The following CNNM1 variants were observed in gnomAD, a reference collection of about 807,000 sequenced individuals.
CNNM1 encodes the protein metal transporter CNNM1.
Under a neutral mutation model 78.8 loss-of-function variants are expected in CNNM1, and 44 were observed. That is an observed-to-expected ratio of 0.56 (90% confidence interval 0.44 to 0.72). The LOEUF (loss-of-function observed/expected upper bound fraction) is 0.72. Ranked by LOEUF, CNNM1 falls within the 30% of genes least tolerant of loss-of-function variation. CNNM1 has a pLI of 0.00. For synonymous variants in CNNM1, 584 were observed against 581.5 expected, an observed-to-expected ratio of 1.00 and a Z score of -0.06; for missense variants, 1,101 against 1,292.2, an observed-to-expected ratio of 0.85 and a Z score of 2.27.
chr10:99,336,314 G>A (rs1045932147), intron 1 of CNNM1, among the ~76,000 whole-genome samples: 1 of 152,200 alleles, frequency 6.6e-6, no homozygotes, highest in Non-Finnish European at 1.5e-5. Flanking sequence ...ATTTGGCACA[G>A]TAACATGCTC....
rs1400565198 is a variant in CNNM1, at chr10:99,330,182, G to A, written c.795G>A (p.Glu265=). The A allele has an allele frequency of 4.0e-6, 6 of 1,514,764 alleles. No homozygotes were observed. The South Asian group carries it at 6.3e-5, about 16-fold the overall frequency. The allele number at this position is 1,514,764 out of a possible 1,614,324, so 93.8% of individuals were successfully genotyped here. The stretch of plus-strand genomic sequence containing the variant: ...TGCGGAACAGCGGCTCGGCCGCCGA[G>A]CAGGAGCAGGCGCGCCGCGTGCAGG... ...RVLRNSGSAA[E]QEQARRVQAV... The change falls in exon 1 of 11, where the codon GAG becomes GAA. Residue 265 remains glutamate (E), a synonymous_variant. Transcript: ENST00000356713.
rs1367984884 is a variant in CNNM1 at position 99,393,363 on chromosome 10, C to T, written c.*1847C>T. ...GGGGTTCTTAACTTGGGGTCCATCA[C>T]CCCAGGGGGTCCATAGTTGGACTTC... On this transcript the variant is annotated 3_prime_UTR_variant, in exon 11 of 11. Transcript: ENST00000356713. The T allele has an allele frequency of 6.6e-6, 1 of 152,624 alleles. No homozygotes were observed. The allele number at this position is 152,624 out of a possible 1,614,324, so 9.5% of individuals were successfully genotyped here.
chr10:99,372,876 G>T (rs905160402), intron 6 of CNNM1, among the ~76,000 whole-genome samples: 2 of 151,964 alleles, frequency 1.3e-5, no homozygotes, highest in African/African-American at 2.4e-5. Context: ...TTATAGACTC[G>T]ATCTTTGTAA....
intron 7 of CNNM1, among the ~76,000 whole-genome samples, chr10:99,377,960 C>CTTTTTTTTTTTTTTTTTTTTTTTTT (rs66722952): frequency 1.1e-5 from 1 of 89,646 alleles, no homozygotes; most frequent in Non-Finnish European, 2.3e-5. Flanking sequence ...TCCATAGGTT[C>CTTTTTTTTTTTTTTTTTTTTTTTTT]TTTTTTTTTT....
intron 1 of CNNM1, among the ~76,000 whole-genome samples, chr10:99,339,449 C>T (rs2030338329): frequency 6.6e-6 from 1 of 152,222 alleles, no homozygotes; most frequent in Non-Finnish European, 1.5e-5. Flanking sequence ...CTGGTAGGAA[C>T]TGGGCCACAC....
intron 6 of CNNM1, among the ~76,000 whole-genome samples, chr10:99,376,755 G>A (rs1282039300): frequency 6.6e-6 from 1 of 152,126 alleles, no homozygotes; most frequent in Admixed American, 6.5e-5. Context: ...GAAAATAGAT[G>A]CTCCAGCTCC....
chr10:99,360,192 A>G (rs1245644866), intron 2 of CNNM1, among the ~76,000 whole-genome samples: 1 of 151,800 alleles, frequency 6.6e-6, no homozygotes, highest in East Asian at 1.9e-4. Context: ...CAGTGGAGGG[A>G]CTGGGGTTGA....
chr10:99,329,776 C>G lies in CNNM1; in HGVS notation c.389C>G (p.Pro130Arg). 2 of 1,493,322 alleles carry G rather than the reference C, an allele frequency of 1.3e-6. No individual in the cohort carries two copies. The highest frequency in any genetic ancestry group is 1.8e-6 in the Non-Finnish European group (2 of 1,129,402). The allele number at this position is 1,493,322 out of a possible 1,614,324, so 92.5% of individuals were successfully genotyped here. Residue 130 changes from proline to arginine, a missense_variant, in exon 1 of 11, where the codon CCG (proline) becomes CGG (arginine). Pro to Arg is a moderately radical substitution (Grantham distance 103). Around this residue, in one of 3 missense-constraint regions of CNNM1, gnomAD observed 476 missense variants for 484.5 expected, o/e 0.98. Coordinates refer to ENST00000356713, the MANE Select transcript of CNNM1 (RefSeq NM_020348.3). ...PSAVPTRPPG[P>R]QRCREQSDWA... Reference sequence around the variant, plus strand: ...GCGGTCCCCACTCGCCCCCCGGGACCGCAGCGCTGCAGGGAGCAGAGCGAC... The same window carrying G: ...GCGGTCCCCACTCGCCCCCCGGGACGGCAGCGCTGCAGGGAGCAGAGCGAC...
At position 99,368,761 on chromosome 10, in the gene CNNM1, A is replaced by G. The variant is rs931612045; in HGVS notation, c.2176+3759A>G. The G allele has an allele frequency of 2.2e-5, 22 of 986,092 alleles. No homozygotes were observed. In the Admixed American group the frequency reaches 4.2e-4, roughly 19 times the overall value. The allele number at this position is 986,092 out of a possible 1,614,324, so 61.1% of individuals were successfully genotyped here. ...CCTTTGGCCTCTGTCACTTTCCTGC[A>G]TGAGAACTAATCACTCCAACAGGCA... On this transcript the variant is annotated intron_variant, in intron 6 of 10. Transcript: ENST00000356713.
In CNNM1 at chr10:99,360,816, G is replaced by C. The variant is rs376965068; in HGVS notation, c.1718-19G>C. 11 of 1,587,626 alleles carry C rather than the reference G, an allele frequency of 6.9e-6. No homozygotes were observed. The African/African-American group carries it at 9.4e-5, about 14-fold the overall frequency. ...CGTGATTCTGAGATAGCTGTAATCT[G>C]TCCTCTGTGACCCCACAGCTGACAA... is the stretch of plus-strand genomic sequence containing the variant. On this transcript the variant is annotated intron_variant, in intron 2 of 10. Coordinates refer to ENST00000356713, the MANE Select transcript of CNNM1 (RefSeq NM_020348.3).
intron 1 of CNNM1, among the ~76,000 whole-genome samples, chr10:99,333,848 G>T (rs2030041684): frequency 6.6e-6 from 1 of 152,180 alleles, no homozygotes; most frequent in Non-Finnish European, 1.5e-5. Context: ...GATCTGAAAT[G>T]AATCCCTGTG....
At chr10:99,344,590 G>A (rs536422375) in intron 1 of CNNM1, among the ~76,000 whole-genome samples, 3 of 152,120 alleles carry the variant, frequency 2.0e-5, no homozygotes, top group African/African-American at 7.2e-5. Context: ...GGGCCCAGGG[G>A]ATGAAAATTG....
intron 1 of CNNM1, among the ~76,000 whole-genome samples, chr10:99,354,303 G>A (rs2031054423): frequency 6.6e-6 from 1 of 152,144 alleles, no homozygotes; most frequent in African/African-American, 2.4e-5. Context: ...GGATGTAGTT[G>A]TTTCCAAGAA....
At chr10:99,340,512 C>T (rs1353496583) in intron 1 of CNNM1, among the ~76,000 whole-genome samples, 2 of 152,084 alleles carry the variant, frequency 1.3e-5, no homozygotes, top group African/African-American at 2.4e-5. Context: ...TTGTGTTTCT[C>T]GCTCCCTTAA....
At chr10:99,375,721 A>G (rs1343994174) in intron 6 of CNNM1, among the ~76,000 whole-genome samples, 2 of 152,234 alleles carry the variant, frequency 1.3e-5, no homozygotes, top group Non-Finnish European at 2.9e-5. Context: ...TAAATTCCCA[A>G]GGTTCTACCC....
At position 99,330,958 on chromosome 10, in the gene CNNM1, A is replaced by G; in HGVS notation, c.1571A>G (p.Lys524Arg). 6.2e-7 allele frequency: 1 copy of G among 1,607,816 alleles called. No homozygotes were observed. Among genetic ancestry groups the G allele is most frequent in the Non-Finnish European group, 8.5e-7 (1 of 1,177,330 alleles). Residue 524 changes from lysine (K) to arginine (R), a missense_variant and splice_region_variant, in exon 1 of 11, where the codon AAG (lysine) becomes AGG (arginine). Lys to Arg is a conservative substitution (Grantham distance 26, BLOSUM62 2). Around this residue, in one of 3 missense-constraint regions of CNNM1, gnomAD observed 277 missense variants for 423.2 expected, o/e 0.65. Transcript: ENST00000356713. The part of the protein sequence containing the change: ...RLDTVLEEFK[K>R]GKSHLAIVQR... Reference sequence around the variant, plus strand: ...GACACGGTTCTGGAGGAGTTTAAGAAGGGTGAGCAGTAGTCTATCTTCTCC... The same window carrying G: ...GACACGGTTCTGGAGGAGTTTAAGAGGGGTGAGCAGTAGTCTATCTTCTCC...
chr10:99,391,213 G>A (rs1328534025), intron 10 of CNNM1, among the ~76,000 whole-genome samples: 1 of 152,222 alleles, frequency 6.6e-6, no homozygotes. Flanking sequence ...GCCTGGGTTT[G>A]TGACTTTTCA....
chr10:99,369,539 T>C (rs4919304), intron 6 of CNNM1, among the ~76,000 whole-genome samples: 112,370 of 152,022 alleles, frequency 0.74, 41,825 homozygotes, highest in African/African-American at 0.8. Flanking sequence ...TTAAAAAAGG[T>C]CATGTTTTGA....
chr10:99,374,582 C>CG (rs1420672737), intron 6 of CNNM1, among the ~76,000 whole-genome samples: 3 of 152,176 alleles, frequency 2.0e-5, no homozygotes, highest in Non-Finnish European at 4.4e-5. Context: ...GCTTTAGTGA[C>CG]TTTAAGAGCT....
Sources: allele counts gnomAD v4.1 joint callset (sites outside exome capture counted in the v4.1 genomes callset), GRCh38; gene constraint gnomAD v4.1.1; regional missense constraint gnomAD v4.1.1; transcripts MANE v1.5; gene names NCBI Gene and HGNC (gene_info 2026-07-23, HGNC 2026-07-21).